GAS2L2: variants seen among roughly 807,000 people sequenced by gnomAD.
GAS2L2 encodes the protein GAS2-like protein 2.
GAS2L2 carries 21 observed loss-of-function variants against 35.2 expected under a neutral mutation model. That is an observed-to-expected ratio of 0.60 (90% CI 0.42 to 0.86). The LOEUF (loss-of-function observed/expected upper bound fraction) is 0.86, where lower values mean the gene tolerates loss of function less well. Ranked by LOEUF, GAS2L2 falls within the 40% of genes least tolerant of loss-of-function variation. GAS2L2 has a pLI of 0.00. For synonymous variants in GAS2L2, 490 were observed against 473.2 expected (o/e 1.04, Z -0.46); for missense variants, 1,169 against 1,144.4 (o/e 1.02, Z -0.31).
chr17:35,752,947 A>C lies in GAS2L2; in HGVS notation c.-97T>G. ...CTGGGTCTCGGCTGGGTTCTTCCTG[A>C]TTCTGAGGTTCCCGTGTACTCGCTG... is the stretch of plus-strand genomic sequence containing the variant. On this transcript the variant is annotated 5_prime_UTR_variant, in exon 1 of 6. Coordinates refer to ENST00000604641, the MANE Select transcript of GAS2L2 (RefSeq NM_139285.4). The C allele has an allele frequency of 7.5e-7, 1 of 1,329,342 alleles. No individual in the cohort carries two copies. The highest frequency in any genetic ancestry group is 1.0e-6 in the Non-Finnish European group (1 of 989,626). The allele number at this position is 1,329,342 out of a possible 1,614,324, so 82.3% of individuals were successfully genotyped here.
In GAS2L2 at chr17:35,749,173, G is replaced by A; in HGVS notation, c.672C>T (p.Ser224=). 1 of 1,613,984 alleles carries A rather than the reference G, an allele frequency of 6.2e-7. No individual in the cohort carries two copies. The highest frequency in any genetic ancestry group is 1.7e-4 in the Middle Eastern group (1 of 6,060). ...VSHCTCPVQF[S]MVKVSEGKYR... ...ACTTCCCCTCAGACACTTTGACCAT[G>A]GAGAACTGCACTGGGCACGTGCAGT... The change falls in exon 3 of 6, where the codon TCC becomes TCT. Residue 224 remains serine (S), a synonymous_variant. Coordinates refer to ENST00000604641, the MANE Select transcript of GAS2L2 (RefSeq NM_139285.4).
Position 35,745,960 on chromosome 17 carries a change from G to C in GAS2L2, c.1537C>G (p.Pro513Ala), listed in dbSNP as rs782732896. 4 of 1,605,902 alleles carry C rather than the reference G, an allele frequency of 2.5e-6. No individual in the cohort carries two copies. The highest frequency in any genetic ancestry group is 3.4e-6 in the Non-Finnish European group (4 of 1,174,358). Residue 513 changes from proline to alanine, a missense_variant, in exon 6 of 6, where the codon CCA becomes GCA. Pro to Ala is a conservative substitution (Grantham distance 27, BLOSUM62 -1). Transcript: ENST00000604641. ...CCAGGAAAGCTCCTTCCTGGTGTTG[G>C]GGGGCGAGCAGGGGGCAGCCGGATG... Reference protein sequence around the residue: ...IPIRLPPARPPTPGRSFPGAT... With the variant: ...IPIRLPPARPATPGRSFPGAT...
In GAS2L2 at chr17:35,747,111, G is replaced by A; in HGVS notation, c.990C>T (p.Asp330=). The stretch of plus-strand genomic sequence containing the variant: ...ATGGGGTGGGGGGCCTCAGCCTTCG[G>A]TCTGAAGAGGTATATGTCTTCCAGT... ...PVDWKTYTSS[D]RRLRPPTPSS... Residue 330 remains aspartate (D), a synonymous_variant, in exon 5 of 6, where the codon GAC becomes GAT. Coordinates refer to ENST00000604641, the MANE Select transcript of GAS2L2 (RefSeq NM_139285.4). The A allele has an allele frequency of 1.2e-6, 2 of 1,613,532 alleles. No individual in the cohort carries two copies. Among genetic ancestry groups the A allele is most frequent in the Non-Finnish European group, 8.5e-7 (1 of 1,179,694 alleles).
intron 5 of GAS2L2, among the ~76,000 whole-genome samples, chr17:35,746,668 G>A (rs1555599031): frequency 6.6e-6 from 1 of 152,174 alleles, no homozygotes; most frequent in Non-Finnish European, 1.5e-5. Context: ...CTGGCCTGAG[G>A]TGACTTCAGA....
At chr17:35,751,311 G>A (rs1054308124) in intron 1 of GAS2L2, among the ~76,000 whole-genome samples, 40 of 152,078 alleles carry the variant, frequency 2.6e-4, no homozygotes, top group African/African-American at 9.2e-4. Context: ...CTTTTTCTGC[G>A]CCTTTGCCCC....
At position 35,744,526 on chromosome 17, in the gene GAS2L2, C is replaced by T; in HGVS notation, c.*328G>A. The T allele has an allele frequency of 3.8e-6, 1 of 261,906 alleles. No homozygotes were observed. 16.2% of individuals were successfully genotyped at this position (261,906 alleles called of 1,614,324 possible). ...AGCTGGGGGCTCAAGGGCAGAATCACATGCATTTAATAACTTATGGGAGTT... is the reference window on the plus strand; with the variant it reads ...AGCTGGGGGCTCAAGGGCAGAATCATATGCATTTAATAACTTATGGGAGTT... On this transcript the variant is annotated 3_prime_UTR_variant, in exon 6 of 6. Coordinates refer to ENST00000604641, the MANE Select transcript of GAS2L2 (RefSeq NM_139285.4).
Position 35,752,424 on chromosome 17 carries a change from A to T in GAS2L2, c.385+42T>A, listed in dbSNP as rs782183936. 3 of 1,527,516 alleles carry T rather than the reference A, an allele frequency of 2.0e-6. No individual in the cohort carries two copies. In the East Asian group the frequency reaches 6.8e-5, roughly 35 times the overall value. 94.6% of individuals were successfully genotyped at this position (1,527,516 alleles called of 1,614,324 possible). A position where few individuals can be genotyped will look rare whatever the true frequency, so the allele number is the denominator to read the frequency against. ...TTTGAGAAAGGACCAATACCCCCCAAGATAAGCATCTGGAATGGGGACGAG... is the reference window on the plus strand; with the variant it reads ...TTTGAGAAAGGACCAATACCCCCCATGATAAGCATCTGGAATGGGGACGAG... On this transcript the variant is annotated intron_variant, in intron 1 of 5. Coordinates refer to ENST00000604641, the MANE Select transcript of GAS2L2 (RefSeq NM_139285.4).
chr17:35,746,685 G>A (rs376189987), intron 5 of GAS2L2, among the ~76,000 whole-genome samples: 27 of 152,164 alleles, frequency 1.8e-4, no homozygotes, highest in African/African-American at 5.6e-4. Flanking sequence ...CAGATCCTTC[G>A]AGGGATGGCC....
chr17:35,748,089 G>A, intron 3 of GAS2L2, 144 bp from the exon 4 acceptor site: 1 of 555,106 alleles, frequency 1.8e-6, no homozygotes, highest in South Asian at 2.6e-5. Flanking sequence ...CTGTAAAAAG[G>A]CAGCCCGAAT....
Position 35,752,668 on chromosome 17 carries a change from C to G in GAS2L2, c.183G>C (p.Thr61=). ...DAANFLQVLE[T]GLVLCQHANV... is the part of the protein sequence containing the mutation. Reference sequence around the variant, plus strand: ...TGGCGTGTTGGCACAGCACCAGGCCCGTTTCCAGCACCTGCAGGAAGTTGG... The same window carrying G: ...TGGCGTGTTGGCACAGCACCAGGCCGGTTTCCAGCACCTGCAGGAAGTTGG... The change falls in exon 1 of 6, where the codon ACG becomes ACC. Residue 61 remains threonine, a synonymous_variant. Transcript: ENST00000604641. 1 of 1,614,104 alleles carries G rather than the reference C, an allele frequency of 6.2e-7. No homozygotes were observed. The highest frequency in any genetic ancestry group is 8.5e-7 in the Non-Finnish European group (1 of 1,180,010).
chr17:35,752,914 CGCT>C lies in GAS2L2; in HGVS notation c.-67_-65del. 1 of 1,498,154 alleles carries C rather than the reference CGCT, an allele frequency of 6.7e-7. No individual in the cohort carries two copies. The highest frequency in any genetic ancestry group is 8.9e-7 in the Non-Finnish European group (1 of 1,119,918). The allele number at this position is 1,498,154 out of a possible 1,614,324, so 92.8% of individuals were successfully genotyped here. A position where few individuals can be genotyped will look rare whatever the true frequency, so the allele number is the denominator to read the frequency against. On this transcript the variant is annotated 5_prime_UTR_variant, in exon 1 of 6. Transcript: ENST00000604641. ...TCTCCCACTGCCGCCTCTTTCCTCC[CGCT>C]GCTGCTGGGTCTCGGCTGGGTTCTT... is the stretch of plus-strand genomic sequence containing the variant.
intron 1 of GAS2L2, among the ~76,000 whole-genome samples, chr17:35,751,028 A>C (rs1204311697): frequency 6.6e-6 from 1 of 152,180 alleles, no homozygotes; most frequent in African/African-American, 2.4e-5. Context: ...CTCAGTGCCC[A>C]GCCACCAGCC....
chr17:35,751,932 C>T (rs587645130), intron 1 of GAS2L2, among the ~76,000 whole-genome samples: 1 of 144,288 alleles, frequency 6.9e-6, no homozygotes, highest in East Asian at 2.3e-4. Context: ...TCTCAGCTCA[C>T]TGCAACCTCT....
intron 3 of GAS2L2, 137 bp from the exon 4 acceptor site, chr17:35,748,082 TA>T: frequency 1.8e-6 from 1 of 568,002 alleles, no homozygotes. Flanking sequence ...GTGTGTGCTG[TA>T]AAAAGGCAGC....
chr17:35,746,511 T>C, intron 5 of GAS2L2, 100 bp from the exon 6 acceptor site: 1 of 719,486 alleles, frequency 1.4e-6, no homozygotes, highest in Non-Finnish European at 2.0e-6. Context: ...CTTTCCCCAG[T>C]GAGAACACCC....
intron 4 of GAS2L2, 94 bp downstream of exon 4, chr17:35,747,753 GAT>G (rs2143021809): frequency 1.0e-6 from 1 of 986,238 alleles, no homozygotes; most frequent in African/African-American, 1.6e-5. Context: ...CCCTCCTGGA[GAT>G]CAGACATACC....
rs140818203 is a variant in GAS2L2, at chr17:35,745,271, C to T, written c.2226G>A (p.Ser742=). The T allele has an allele frequency of 1.5e-4, 234 of 1,610,292 alleles. 1 individual carries two copies. Among genetic ancestry groups the T allele is most frequent in the Middle Eastern group, 6.6e-4 (4 of 6,074 alleles). ...CTTTGTCAGAGTTGGGGTCCAAGGGCGAAGGTGTGGGGGCCTCCGGGCTGG... is the reference window on the plus strand; with the variant it reads ...CTTTGTCAGAGTTGGGGTCCAAGGGTGAAGGTGTGGGGGCCTCCGGGCTGG... The part of the protein sequence containing the change: ...VSASPEAPTP[S]PLDPNSDKAK... The change falls in exon 6 of 6, where the codon TCG becomes TCA. Residue 742 remains serine (S), a synonymous_variant. Coordinates refer to ENST00000604641, the MANE Select transcript of GAS2L2 (RefSeq NM_139285.4).
chr17:35,746,933 C>T (rs1568101451), intron 5 of GAS2L2, 83 bp downstream of exon 5: 1 of 1,390,352 alleles, frequency 7.2e-7, no homozygotes, highest in Non-Finnish European at 9.6e-7. Context: ...CGAGGATCTG[C>T]TCCTTTTATC....
rs367956703 is a variant in GAS2L2 at position 35,752,443 on chromosome 17, G to A, written c.385+23C>T. 437 of 1,551,378 alleles carry A rather than the reference G, an allele frequency of 2.8e-4. 4 individuals are homozygous for A. The South Asian group carries it at 3.4e-3, about 12-fold the overall frequency. On this transcript the variant is annotated intron_variant, in intron 1 of 5. Coordinates refer to ENST00000604641, the MANE Select transcript of GAS2L2 (RefSeq NM_139285.4). ...CCCCCAAGATAAGCATCTGGAATGGGGACGAGGGTGCAGCGTGGTTACCTT... is the reference window on the plus strand; with the variant it reads ...CCCCCAAGATAAGCATCTGGAATGGAGACGAGGGTGCAGCGTGGTTACCTT...
Sources: gnomAD v4.1 joint callset for allele counts (sites outside exome capture counted in the v4.1 genomes callset) on GRCh38, gnomAD v4.1.1 for gene constraint, MANE v1.5 for transcripts, NCBI Gene and HGNC (gene_info 2026-07-23, HGNC 2026-07-21) for gene names.